The following NOX3 variants were observed in gnomAD, a reference collection of about 807,000 sequenced individuals.
NOX3 encodes NADPH oxidase catalytic subunit-like 3.
Under a neutral mutation model 76.7 loss-of-function variants are expected in NOX3, and 74 were observed. That is an observed-to-expected ratio of 0.96 (90% CI 0.80 to 1.17). The LOEUF (loss-of-function observed/expected upper bound fraction) is 1.17, where lower values mean the gene tolerates loss of function less well. Among genes scored for constraint, NOX3 ranks in the 50% most tolerant of loss-of-function variants. NOX3 has a pLI of 0.00. For synonymous variants in NOX3, 263 were observed against 261.1 expected (o/e 1.01, Z -0.07); for missense variants, 695 against 703.3 (o/e 0.99, Z 0.13).
intron 4 of NOX3, 73 bp downstream of exon 4, chr6:155,453,331 C>CG: frequency 1.7e-6 from 2 of 1,164,696 alleles, no homozygotes; most frequent in Non-Finnish European, 2.6e-6. Context: ...TTGGGGAAGG[C>CG]AGAGTTAAAA....
chr6:155,431,651 G>A (rs1776836539), intron 7 of NOX3, among the ~76,000 whole-genome samples: 1 of 152,168 alleles, frequency 6.6e-6, no homozygotes. Flanking sequence ...TGTATCAGGA[G>A]CTCTGTACAA....
intron 10 of NOX3, among the ~76,000 whole-genome samples, chr6:155,418,634 T>G (rs231944): frequency 0.4 from 55,968 of 139,700 alleles, 12,134 homozygotes; most frequent in African/African-American, 0.63. Flanking sequence ...GAAACAAAGA[T>G]ATTTTAAGAC....
intron 10 of NOX3, among the ~76,000 whole-genome samples, chr6:155,414,623 C>CTTTTTTT (rs72348061): frequency 6.2e-4 from 70 of 113,756 alleles, no homozygotes; most frequent in African/African-American, 1.9e-3. Flanking sequence ...TCTTTTCTTT[C>CTTTTTTT]TTTTTTTTTT....
At position 155,396,935 on chromosome 6, in the gene NOX3, T is replaced by A. The variant is rs1293499883; in HGVS notation, c.1608A>T (p.Gly536=). ...GAAGTGTCCTCGAGAGAGCTTTAGG[T>A]CCACAGAAGAACACGCCAATACTGC... is the stretch of plus-strand genomic sequence containing the variant. ...PSSSIGVFFC[G]PKALSRTLQK... The change falls in exon 13 of 14, where the codon GGA becomes GGT. Residue 536 remains glycine, a synonymous_variant. Coordinates refer to ENST00000159060, the MANE Select transcript of NOX3 (RefSeq NM_015718.3). 1.2e-6 allele frequency: 2 copies of A among 1,612,872 alleles called. No individual in the cohort carries two copies. The highest frequency in any genetic ancestry group is 1.7e-6 in the Non-Finnish European group (2 of 1,179,336).
intron 5 of NOX3, 72 bp from the exon 6 acceptor site, chr6:155,440,209 A>ATTT: frequency 3.9e-6 from 4 of 1,035,582 alleles, no homozygotes; most frequent in Non-Finnish European, 5.2e-6. Context: ...ATCCTGGCAT[A>ATTT]TTTTTTTTTT....
At chr6:155,441,931 G>C (rs1776992193) in intron 5 of NOX3, among the ~76,000 whole-genome samples, 2 of 152,130 alleles carry the variant, frequency 1.3e-5, no homozygotes, top group South Asian at 4.1e-4. Flanking sequence ...TTCTGATTCG[G>C]AAGTGTGAAA....
At chr6:155,451,912 A>C (rs1777149494) in intron 4 of NOX3, among the ~76,000 whole-genome samples, 1 of 151,990 alleles carries the variant, frequency 6.6e-6, no homozygotes, top group Admixed American at 6.6e-5. Flanking sequence ...ATAGGCGTAA[A>C]CCACCATGCC....
intron 12 of NOX3, among the ~76,000 whole-genome samples, chr6:155,397,677 T>C (rs1779157359): frequency 6.6e-6 from 1 of 152,224 alleles, no homozygotes; most frequent in South Asian, 2.1e-4. Context: ...CAAGATGAGA[T>C]AATACATTCA....
chr6:155,442,109 C>CA (rs1463706683), intron 5 of NOX3, among the ~76,000 whole-genome samples: 1 of 151,948 alleles, frequency 6.6e-6, no homozygotes, highest in African/African-American at 2.4e-5. Flanking sequence ...CTAAAAATAA[C>CA]AAAAATTAGC....
intron 4 of NOX3, among the ~76,000 whole-genome samples, chr6:155,452,546 C>T (rs968073528): frequency 3.9e-5 from 6 of 152,142 alleles, no homozygotes; most frequent in South Asian, 4.1e-4. Context: ...CACTGCACCC[C>T]CAAAGTTGTG....
chr6:155,400,432 C>T (rs151106361), intron 12 of NOX3, among the ~76,000 whole-genome samples: 2 of 152,114 alleles, frequency 1.3e-5, no homozygotes, highest in African/African-American at 2.4e-5. Context: ...CAAATAAAAT[C>T]GATAAACAGA....
chr6:155,454,690 A>G (rs1474203241), intron 3 of NOX3, 121 bp downstream of exon 3: 1 of 633,496 alleles, frequency 1.6e-6, no homozygotes, highest in East Asian at 2.9e-5. Context: ...TATCTCTAAC[A>G]AAGAAACCCA....
chr6:155,440,850 A>T (rs1042017981), intron 5 of NOX3, among the ~76,000 whole-genome samples: 3 of 152,014 alleles, frequency 2.0e-5, no homozygotes, highest in South Asian at 4.2e-4. Flanking sequence ...TAATAAACAC[A>T]TTTTTTTGAG....
At chr6:155,404,860 G>A (rs1326593964) in intron 12 of NOX3, among the ~76,000 whole-genome samples, 2 of 152,174 alleles carry the variant, frequency 1.3e-5, no homozygotes, top group East Asian at 3.9e-4. Context: ...GGAATCAGAT[G>A]GTTATGAATC....
intron 12 of NOX3, among the ~76,000 whole-genome samples, chr6:155,403,949 AC>A (rs752229598): frequency 6.6e-6 from 1 of 152,032 alleles, no homozygotes; most frequent in Non-Finnish European, 1.5e-5. Flanking sequence ...TAATAAACAA[AC>A]AAACACCATA....
At chr6:155,444,785 T>A (rs781300340) in intron 4 of NOX3, among the ~76,000 whole-genome samples, 52 of 152,118 alleles carry the variant, frequency 3.4e-4, no homozygotes, top group Non-Finnish European at 6.9e-4. Context: ...GTCAGTACTA[T>A]CCCCTGTTTC....
chr6:155,427,491 A>C (rs1047317624), intron 9 of NOX3, among the ~76,000 whole-genome samples: 10 of 152,198 alleles, frequency 6.6e-5, no homozygotes, highest in Non-Finnish European at 1.2e-4. Context: ...CTCTGTACGC[A>C]CTGCATGTCA....
At chr6:155,395,753 G>A (rs1250647703) in intron 13 of NOX3, among the ~76,000 whole-genome samples, 179 bp from the exon 14 acceptor site, 3 of 152,074 alleles carry the variant, frequency 2.0e-5, no homozygotes, top group African/African-American at 4.8e-5. Flanking sequence ...TAAACATCTT[G>A]GGAGTAAAAT....
chr6:155,453,313 G>T, intron 4 of NOX3, 91 bp downstream of exon 4: 2 of 972,176 alleles, frequency 2.1e-6, no homozygotes, highest in African/African-American at 1.6e-5. Flanking sequence ...TTTACCTGAG[G>T]GTGAGACTTG....
Sources: gnomAD v4.1 joint callset for allele counts (sites outside exome capture counted in the v4.1 genomes callset) on GRCh38, gnomAD v4.1.1 for gene constraint, MANE v1.5 for transcripts, NCBI Gene and HGNC (gene_info 2026-07-23, HGNC 2026-07-21) for gene names.